LDLRAD3: variants seen among roughly 807,000 people sequenced by gnomAD.
LDLRAD3 encodes the protein low-density lipoprotein receptor class A domain-containing protein 3.
LDLRAD3 carries 20 observed loss-of-function variants against 29.4 expected under a neutral mutation model. That is an observed-to-expected ratio of 0.68 (90% CI 0.48 to 0.99). The LOEUF is 0.99. Among genes scored for constraint, LDLRAD3 ranks in the 50% least tolerant of loss-of-function variants. The pLI is 0.00. For missense variants in LDLRAD3, 420 were observed against 454.3 expected (o/e 0.92, Z 0.69); for synonymous variants, 157 against 192.7 (o/e 0.81, Z 1.53).
chr11:36,110,013 G>T (rs1853584759), intron 4 of LDLRAD3: 1 of 152,316 alleles, frequency 6.6e-6, no homozygotes, highest in Non-Finnish European at 1.5e-5. Flanking sequence ...AGCCCAGCTG[G>T]GCTGAGAGAG....
At chr11:36,212,505 A>T (rs1020838628) in intron 4 of LDLRAD3, among the ~76,000 whole-genome samples, 10 of 152,024 alleles carry the variant, frequency 6.6e-5, no homozygotes, top group Non-Finnish European at 1.5e-4. Context: ...CCTACTTAAA[A>T]AATGCCATTG....
chr11:36,222,090 G>A (rs1343617384), intron 4 of LDLRAD3, among the ~76,000 whole-genome samples: 2 of 152,218 alleles, frequency 1.3e-5, no homozygotes, highest in Non-Finnish European at 2.9e-5. Flanking sequence ...GTTTTTTAGA[G>A]ACAGGGTCTC....
chr11:36,030,644 G>C lies in LDLRAD3; in HGVS notation c.47-5459G>C, dbSNP rs561444829. Among the ~76,000 whole-genome samples, 9 of 152,320 alleles carry C rather than the reference G, an allele frequency of 5.9e-5. No individual in the cohort carries two copies. The South Asian group carries it at 1.9e-3, about 32-fold the overall frequency. On this transcript the variant is annotated intron_variant, in intron 1 of 5. Coordinates refer to ENST00000315571, the MANE Select transcript of LDLRAD3 (RefSeq NM_174902.4). ...CAAATGCTAAGCCGTATGTGTGTCT[G>C]TACCTATGTATGGGTGTCTGTCTTG... is the stretch of plus-strand genomic sequence containing the variant.
chr11:35,969,706 G>A (rs1298457884), intron 1 of LDLRAD3, among the ~76,000 whole-genome samples: 1 of 152,202 alleles, frequency 6.6e-6, no homozygotes, highest in Non-Finnish European at 1.5e-5. Flanking sequence ...AATGCAGCCA[G>A]ATGTTGGAAC....
chr11:36,226,676 T>C (rs768411605), intron 4 of LDLRAD3, among the ~76,000 whole-genome samples: 11 of 152,164 alleles, frequency 7.2e-5, no homozygotes, highest in Admixed American at 2.6e-4. Flanking sequence ...CTCATACCCA[T>C]TGACTGTTAA....
intron 4 of LDLRAD3, among the ~76,000 whole-genome samples, chr11:36,187,674 G>T (rs1393519732): frequency 6.6e-6 from 1 of 152,136 alleles, no homozygotes; most frequent in Admixed American, 6.5e-5. Flanking sequence ...TTGGATTCTG[G>T]GTGTGTTTGT....
At chr11:36,009,675 G>A (rs1851930450) in intron 1 of LDLRAD3, among the ~76,000 whole-genome samples, 2 of 152,182 alleles carry the variant, frequency 1.3e-5, no homozygotes, top group South Asian at 4.1e-4. Context: ...TTCTGTTGCT[G>A]ATTTGCTTAC....
chr11:36,203,350 A>G (rs1353632707), intron 4 of LDLRAD3, among the ~76,000 whole-genome samples: 3 of 152,160 alleles, frequency 2.0e-5, no homozygotes, highest in Admixed American at 6.5e-5. Context: ...CATTTTACAG[A>G]TGAGGAAAAC....
chr11:36,051,401 TGATCCTGG>T, intron 2 of LDLRAD3, among the ~76,000 whole-genome samples: 1 of 152,344 alleles, frequency 6.6e-6, no homozygotes, highest in Middle Eastern at 3.4e-3. Context: ...CCTAGCTGTG[TGATCCTGG>T]GCAAGTTACT....
At position 36,130,535 on chromosome 11, in the gene LDLRAD3, G is replaced by A. The variant is rs889861208; in HGVS notation, c.454+32074G>A. Among the ~76,000 whole-genome samples the A allele has an allele frequency of 7.2e-5, 11 of 152,320 alleles. No individual in the cohort carries two copies. The East Asian group carries it at 2.1e-3, about 29-fold the overall frequency. ...CCAGATGAAGCCTGAATGACTCGCA[G>A]GGCTGGGGCAAGCTGCCGCCAGTTT... On this transcript the variant is annotated intron_variant, in intron 4 of 5. Transcript: ENST00000315571.
At chr11:35,999,591 C>T (rs12275937) in intron 1 of LDLRAD3, among the ~76,000 whole-genome samples, 79,735 of 152,004 alleles carry the variant, frequency 0.52, 23,993 homozygotes, top group African/African-American at 0.84. Flanking sequence ...TTCATGTCCA[C>T]GACCTGCCCA....
At chr11:36,108,912 G>A (rs944517993) in intron 4 of LDLRAD3, among the ~76,000 whole-genome samples, 1 of 152,114 alleles carries the variant, frequency 6.6e-6, no homozygotes, top group African/African-American at 2.4e-5. Context: ...CAAGCAGTAG[G>A]GTGGGGTTAG....
chr11:36,151,061 A>T (rs1054760418), intron 4 of LDLRAD3, among the ~76,000 whole-genome samples: 1 of 152,194 alleles, frequency 6.6e-6, no homozygotes, highest in African/African-American at 2.4e-5. Flanking sequence ...CCTCTGAACA[A>T]TCCTTGGTTT....
chr11:36,068,020 A>G (rs1166424956), intron 2 of LDLRAD3, among the ~76,000 whole-genome samples: 5 of 152,148 alleles, frequency 3.3e-5, no homozygotes, highest in African/African-American at 1.2e-4. Flanking sequence ...TGTGCTTACC[A>G]CATCTCATTG....
chr11:36,033,023 C>T (rs1852255203), intron 1 of LDLRAD3, among the ~76,000 whole-genome samples: 1 of 152,002 alleles, frequency 6.6e-6, no homozygotes, highest in South Asian at 2.1e-4. Context: ...TACAGGTGTG[C>T]ACCACCACAC....
intron 2 of LDLRAD3, among the ~76,000 whole-genome samples, chr11:36,055,905 G>A (rs1283499704): frequency 1.4e-5 from 2 of 143,760 alleles, no homozygotes; most frequent in African/African-American, 5.0e-5. Context: ...GTAGGAATGA[G>A]TTTGGGTAGC....
intron 1 of LDLRAD3, among the ~76,000 whole-genome samples, chr11:36,032,933 G>C (rs1852253696): frequency 6.6e-6 from 1 of 151,934 alleles, no homozygotes; most frequent in South Asian, 2.1e-4. Flanking sequence ...GGAGTGCAGT[G>C]GCGTGATCTC....
At chr11:36,174,428 A>G (rs1854642033) in intron 4 of LDLRAD3, among the ~76,000 whole-genome samples, 3 of 152,204 alleles carry the variant, frequency 2.0e-5, no homozygotes, top group African/African-American at 7.2e-5. Flanking sequence ...TGAACAAGCA[A>G]CCTACAGAAT....
chr11:36,090,496 G>A (rs1051444343), intron 3 of LDLRAD3, among the ~76,000 whole-genome samples: 13 of 152,178 alleles, frequency 8.5e-5, no homozygotes, highest in African/African-American at 3.1e-4. Flanking sequence ...CCACAGAAAG[G>A]TGGTGGTTGA....
Sources: gnomAD v4.1 joint callset for allele counts (sites outside exome capture counted in the v4.1 genomes callset) on GRCh38, gnomAD v4.1.1 for gene constraint, MANE v1.5 for transcripts, NCBI Gene and HGNC (gene_info 2026-07-23, HGNC 2026-07-21) for gene names.